Variants in ATP6V1H observed in about 807,000 individuals in gnomAD.
ATP6V1H encodes V-type proton ATPase subunit H.
ATP6V1H carries 39 observed loss-of-function variants against 71.7 expected under a neutral mutation model. The observed-to-expected ratio is 0.54, with a 90% confidence interval of 0.42 to 0.71. The LOEUF (loss-of-function observed/expected upper bound fraction) is 0.71. Among genes scored for constraint, ATP6V1H ranks in the 30% least tolerant of loss-of-function variants. The pLI, the probability that ATP6V1H is intolerant of heterozygous loss-of-function variation, is 0.00. For synonymous variants in ATP6V1H, 192 were observed against 199.3 expected (o/e 0.96, Z 0.31); for missense variants, 509 against 594.9 (o/e 0.86, Z 1.50).
chr8:53,826,165 C>T (rs576305573), intron 4 of ATP6V1H, among the ~76,000 whole-genome samples: 16 of 152,250 alleles, frequency 1.1e-4, no homozygotes, highest in Admixed American at 7.2e-4. Flanking sequence ...ACAATGCCCT[C>T]TGTTGAGAAG....
At chr8:53,752,087 A>T (rs1035289579) in intron 12 of ATP6V1H, among the ~76,000 whole-genome samples, 2 of 152,218 alleles carry the variant, frequency 1.3e-5, no homozygotes, top group South Asian at 2.1e-4. Context: ...AATTTGAGAT[A>T]CCACAATTAT....
Position 53,811,176 on chromosome 8 carries a change from G to A in ATP6V1H, c.567C>T (p.Val189=), listed in dbSNP as rs768541670. ...GSGVAVETGT[V]SSSDSSQYVQ... Reference sequence around the variant, plus strand: ...GGAATATACTTACATCACTTGAAGAGACTGTTCCTGTTTCAACAGCAACAC... The same window carrying A: ...GGAATATACTTACATCACTTGAAGAAACTGTTCCTGTTTCAACAGCAACAC... Residue 189 remains valine, a synonymous_variant, in exon 7 of 14, where the codon GTC becomes GTT. Transcript: ENST00000359530. The A allele has an allele frequency of 1.2e-6, 2 of 1,613,044 alleles. No homozygotes were observed. Among genetic ancestry groups the A allele is most frequent in the African/African-American group, 2.7e-5 (2 of 74,896 alleles).
intron 9 of ATP6V1H, among the ~76,000 whole-genome samples, chr8:53,779,248 A>C (rs1384641532): frequency 1.3e-5 from 2 of 152,130 alleles, no homozygotes; most frequent in Non-Finnish European, 2.9e-5. Flanking sequence ...TTTTAAGTGC[A>C]CTTGGTACAT....
At chr8:53,717,857 A>C (rs1563433538) in intron 13 of ATP6V1H, among the ~76,000 whole-genome samples, 1 of 152,180 alleles carries the variant, frequency 6.6e-6, no homozygotes, top group African/African-American at 2.4e-5. Context: ...CAAATATTTC[A>C]ATTTTAGACT....
intron 11 of ATP6V1H, among the ~76,000 whole-genome samples, chr8:53,757,241 A>AGCCT (rs1210882472): frequency 6.6e-6 from 1 of 152,178 alleles, no homozygotes; most frequent in Non-Finnish European, 1.5e-5. Context: ...TTGTCACTGG[A>AGCCT]GCCTGACGGG....
At chr8:53,820,824 A>C (rs1331912533) in intron 4 of ATP6V1H, among the ~76,000 whole-genome samples, 1 of 151,776 alleles carries the variant, frequency 6.6e-6, no homozygotes, top group African/African-American at 2.4e-5. Context: ...TCTACTAAAA[A>C]AACAAAAATT....
chr8:53,790,019 A>G (rs1318352303), intron 9 of ATP6V1H, among the ~76,000 whole-genome samples: 1 of 152,212 alleles, frequency 6.6e-6, no homozygotes, highest in Non-Finnish European at 1.5e-5. Context: ...GTTACAAAAT[A>G]TATCTCCTTT....
At chr8:53,780,662 G>C (rs1809082695) in intron 9 of ATP6V1H, among the ~76,000 whole-genome samples, 2 of 151,912 alleles carry the variant, frequency 1.3e-5, no homozygotes, top group African/African-American at 4.8e-5. Context: ...TTTAGCATTA[G>C]GTATATCTCC....
At chr8:53,826,730 T>C (rs1370349111) in intron 4 of ATP6V1H, among the ~76,000 whole-genome samples, 1 of 151,666 alleles carries the variant, frequency 6.6e-6, no homozygotes, top group Non-Finnish European at 1.5e-5. Context: ...GCAGATCACT[T>C]AAGGTCAGGA....
chr8:53,818,115 T>C (rs916637670), intron 4 of ATP6V1H, among the ~76,000 whole-genome samples: 2 of 152,188 alleles, frequency 1.3e-5, no homozygotes, highest in Admixed American at 1.3e-4. Flanking sequence ...ACTTCACCTC[T>C]CATCTAAATT....
At chr8:53,816,805 C>A (rs979416641) in intron 5 of ATP6V1H, among the ~76,000 whole-genome samples, 2 of 151,824 alleles carry the variant, frequency 1.3e-5, no homozygotes, top group Non-Finnish European at 2.9e-5. Flanking sequence ...AAAAAAAAAA[C>A]CAGAGTGTAT....
chr8:53,728,770 G>A (rs1368225600), intron 13 of ATP6V1H, among the ~76,000 whole-genome samples: 1 of 152,180 alleles, frequency 6.6e-6, no homozygotes, highest in Non-Finnish European at 1.5e-5. Context: ...AGCACAGGCC[G>A]CCTGCCTCCA....
intron 2 of ATP6V1H, among the ~76,000 whole-genome samples, chr8:53,837,863 C>G (rs1323540507): frequency 6.6e-6 from 1 of 152,140 alleles, no homozygotes; most frequent in Non-Finnish European, 1.5e-5. Flanking sequence ...GGATCGCACT[C>G]AGATTCGAGG....
chr8:53,795,818 G>A lies in ATP6V1H; in HGVS notation c.699C>T (p.Asn233=). 1 of 1,610,468 alleles carries A rather than the reference G, an allele frequency of 6.2e-7. No homozygotes were observed. The part of the protein sequence containing the change: ...GVNCIMGVLS[N]KCGFQLQYQM... ...GATACTGGAGCTGAAAGCCACACTT[G>A]TTACTCAACACTCCCATTATGCTGA... Residue 233 remains asparagine, a synonymous_variant, in exon 9 of 14, where the codon AAC becomes AAT. Transcript: ENST00000359530.
chr8:53,778,788 A>T (rs1332222526), intron 9 of ATP6V1H, among the ~76,000 whole-genome samples: 1 of 152,236 alleles, frequency 6.6e-6, no homozygotes, highest in African/African-American at 2.4e-5. Context: ...TTATTTGAAT[A>T]GATAAAAGTT....
At chr8:53,721,643 T>C (rs1407240167) in intron 13 of ATP6V1H, among the ~76,000 whole-genome samples, 1 of 151,884 alleles carries the variant, frequency 6.6e-6, no homozygotes, top group Non-Finnish European at 1.5e-5. Context: ...TAGTGGGGAG[T>C]GTACTGGTAC....
At chr8:53,785,408 T>C (rs947654883) in intron 9 of ATP6V1H, among the ~76,000 whole-genome samples, 1 of 152,258 alleles carries the variant, frequency 6.6e-6, no homozygotes, top group Non-Finnish European at 1.5e-5. Context: ...TAAGGACTTC[T>C]CTGCATTGGT....
intron 2 of ATP6V1H, 95 bp downstream of exon 2, chr8:53,841,483 A>T: frequency 1.5e-6 from 2 of 1,377,512 alleles, no homozygotes; most frequent in Non-Finnish European, 2.0e-6. Context: ...ATTTTTCAGT[A>T]TTTTCCCTGT....
At chr8:53,773,515 C>T (rs1029183357) in intron 9 of ATP6V1H, among the ~76,000 whole-genome samples, 3 of 152,186 alleles carry the variant, frequency 2.0e-5, no homozygotes, top group Non-Finnish European at 2.9e-5. Context: ...AATACAAATA[C>T]GTTCCTGTCA....
Sources: allele counts gnomAD v4.1 joint callset (sites outside exome capture counted in the v4.1 genomes callset), GRCh38; gene constraint gnomAD v4.1.1; transcripts MANE v1.5; gene names NCBI Gene and HGNC (gene_info 2026-07-23, HGNC 2026-07-21).